Variants in SPINK5 observed in about 807,000 individuals in gnomAD.
SPINK5 encodes serine protease inhibitor Kazal-type 5.
In SPINK5, 125 loss-of-function variants were observed where a neutral mutation model predicts 151.8. The ratio of observed to expected loss-of-function variants is 0.82; its 90% CI spans 0.71 to 0.96. The LOEUF (loss-of-function observed/expected upper bound fraction) is 0.96, where lower values mean the gene tolerates loss of function less well. Ranked by LOEUF, SPINK5 falls within the 40% of genes least tolerant of loss-of-function variation. SPINK5 has a pLI of 0.00. For missense variants in SPINK5, 1,194 were observed against 1,291.9 expected (o/e 0.92, Z 1.16); for synonymous variants, 374 against 395.3 (o/e 0.95, Z 0.64).
intron 2 of SPINK5, 121 bp downstream of exon 2, chr5:148,065,493 T>C (rs1752557053): frequency 9.1e-7 from 1 of 1,104,756 alleles, no homozygotes; most frequent in Non-Finnish European, 1.3e-6. Flanking sequence ...CTAATAGCTT[T>C]TGTTAAAAAC....
Position 148,120,016 on chromosome 5 carries a change from G to A in SPINK5, c.2321G>A (p.Cys774Tyr), listed in dbSNP as rs747631147. 10 of 1,613,806 alleles carry A rather than the reference G, an allele frequency of 6.2e-6. No individual in the cohort carries two copies. The highest frequency in any genetic ancestry group is 5.9e-6 in the Non-Finnish European group (7 of 1,179,780). ...ATCTTCCCATCTTTTCAGGATACAT[G>A]TGATGAGTTTAGAAGCCAAATGAAA... Reference protein sequence around the residue: ...GTGSESGKDTCDEFRSQMKNG... With the variant: ...GTGSESGKDTYDEFRSQMKNG... Residue 774 changes from cysteine (C) to tyrosine (Y), a missense_variant, in exon 25 of 33, where the codon TGT becomes TAT. Cys to Tyr is a radical substitution (Grantham distance 194). Transcript: ENST00000256084.
In SPINK5 at chr5:148,137,145, A is replaced by AGTC; in HGVS notation, c.*155_*157dup. The AGTC allele has an allele frequency of 1.0e-6, 1 of 975,950 alleles. No homozygotes were observed. Among genetic ancestry groups the AGTC allele is most frequent in the Non-Finnish European group, 1.6e-6 (1 of 621,564 alleles). The allele number at this position is 975,950 out of a possible 1,614,324, so 60.5% of individuals were successfully genotyped here. A position where few individuals can be genotyped will look rare whatever the true frequency, so the allele number is the denominator to read the frequency against. On this transcript the variant is annotated 3_prime_UTR_variant, in exon 33 of 33. Coordinates refer to ENST00000256084, the MANE Select transcript of SPINK5 (RefSeq NM_006846.4). ...TTTGGGAATGGACTCACTGATTTTC[A>AGTC]GTCTTTTCCATCTCTTTCCTCCTAG...
chr5:148,079,262 A>T (rs964998421), intron 4 of SPINK5, among the ~76,000 whole-genome samples: 3 of 151,254 alleles, frequency 2.0e-5, no homozygotes, highest in Non-Finnish European at 3.0e-5. Context: ...CAGCATAAGT[A>T]AAGACATTGA....
rs1298873754 is a variant in SPINK5, at chr5:148,078,314, TGAAAA to T, written c.282+6099_282+6103del. Among the ~76,000 whole-genome samples, 3 of 150,802 alleles carry T rather than the reference TGAAAA, an allele frequency of 2.0e-5. 1 individual carries two copies. The highest frequency in any genetic ancestry group is 4.5e-5 in the Non-Finnish European group (3 of 67,276). On this transcript the variant is annotated intron_variant, in intron 4 of 32. Coordinates refer to ENST00000256084, the MANE Select transcript of SPINK5 (RefSeq NM_006846.4). The stretch of plus-strand genomic sequence containing the variant: ...CAAAAAATGCTATAATTAAAAGAAA[TGAAAA>T]GAAATGAAGAATTCAAAAATAATCG...
At chr5:148,067,807 G>T (rs902888957) in intron 2 of SPINK5, among the ~76,000 whole-genome samples, 1 of 151,972 alleles carries the variant, frequency 6.6e-6, no homozygotes, top group Non-Finnish European at 1.5e-5. Flanking sequence ...TAGAGACAAG[G>T]TCTCATTATA....
At chr5:148,092,689 T>C (rs563894916) in intron 8 of SPINK5, among the ~76,000 whole-genome samples, 1 of 152,022 alleles carries the variant, frequency 6.6e-6, no homozygotes, top group Non-Finnish European at 1.5e-5. Context: ...ATTATCATTG[T>C]TTCTTTTACG....
At position 148,094,473 on chromosome 5, in the gene SPINK5, T is replaced by TATA; in HGVS notation, c.786_787insATA (p.Ala262_Glu263insIle). Reference sequence around the variant, plus strand: ...ATGGCAACAAATGTGCCCTGTGTGCTGAAATTTTGTGAGTATAGAAGTGGT... The same window carrying TATA: ...ATGGCAACAAATGTGCCCTGTGTGCTATAGAAATTTTGTGAGTATAGAAGTGGT... On this transcript the variant is annotated inframe_insertion, in exon 9 of 33. Transcript: ENST00000256084. 3 of 1,612,422 alleles carry TATA rather than the reference T, an allele frequency of 1.9e-6. No homozygotes were observed. Among genetic ancestry groups the TATA allele is most frequent in the Non-Finnish European group, 2.5e-6 (3 of 1,178,886 alleles).
intron 13 of SPINK5, among the ~76,000 whole-genome samples, chr5:148,100,814 G>A (rs148613806): frequency 6.6e-6 from 1 of 152,144 alleles, no homozygotes; most frequent in Non-Finnish European, 1.5e-5. Flanking sequence ...AAGTAGTTTT[G>A]TCTTTTAAGT....
At chr5:148,079,749 CT>C (rs1217343529) in intron 4 of SPINK5, among the ~76,000 whole-genome samples, 1 of 150,970 alleles carries the variant, frequency 6.6e-6, no homozygotes, top group African/African-American at 2.4e-5. Context: ...TAGAAGTAAG[CT>C]TTTTCAGTCT....
In SPINK5 at chr5:148,101,439, G is replaced by A. The variant is rs768985523; in HGVS notation, c.1302+3G>A. On this transcript the variant is annotated splice_donor_region_variant and intron_variant, in intron 14 of 32. Transcript: ENST00000256084. The stretch of plus-strand genomic sequence containing the variant: ...CTAAGAGTACAGCTTCCTTTGAGGT[G>A]AGTTTATATCCTCCAGCAACTCAGA... The A allele has an allele frequency of 5.6e-6, 9 of 1,606,620 alleles. No individual in the cohort carries two copies. The highest frequency in any genetic ancestry group is 3.3e-5 in the South Asian group (3 of 90,934).
intron 24 of SPINK5, 125 bp from the exon 25 acceptor site, chr5:148,119,884 T>C (rs1754204296): frequency 3.0e-6 from 3 of 993,638 alleles, no homozygotes; most frequent in African/African-American, 1.6e-5. Flanking sequence ...TGTGGGACAT[T>C]ATTTTGCCTA....
chr5:148,074,819 A>G (rs1032823197), intron 4 of SPINK5, among the ~76,000 whole-genome samples: 1 of 151,766 alleles, frequency 6.6e-6, no homozygotes, highest in Non-Finnish European at 1.5e-5. Flanking sequence ...GATCTACTTT[A>G]TAAAATTTAC....
At chr5:148,088,242 A>G (rs2113061234) in intron 5 of SPINK5, among the ~76,000 whole-genome samples, 1 of 151,946 alleles carries the variant, frequency 6.6e-6, no homozygotes, top group East Asian at 1.9e-4. Flanking sequence ...TTATCCAGTT[A>G]CAAGCTTTAC....
rs1298766998 is a variant in SPINK5 at position 148,133,801 on chromosome 5, C to T, written c.3100C>T (p.Arg1034Cys). The change falls in exon 32 of 33, where the codon CGC becomes TGC. Residue 1034 changes from arginine (R) to cysteine (C), a missense_variant. By Grantham distance (180) the Arg-to-Cys change is radical. Transcript: ENST00000256084. ...GCATCCTCTGATCTGTTTTAGGATA[C>T]GCCAAACAAATACACACATCCGCAG... The part of the protein sequence containing the change: ...PCMLCHENLI[R>C]QTNTHIRSTG... The T allele has an allele frequency of 6.8e-6, 11 of 1,613,798 alleles. No individual in the cohort carries two copies. Among genetic ancestry groups the T allele is most frequent in the Middle Eastern group, 3.4e-4 (2 of 5,956 alleles).
intron 4 of SPINK5, among the ~76,000 whole-genome samples, chr5:148,080,727 T>C (rs1427891141): frequency 6.6e-6 from 1 of 151,444 alleles, no homozygotes; most frequent in Non-Finnish European, 1.5e-5. Flanking sequence ...TTCATGAACT[T>C]GGGTAGGTAG....
rs1561695544 is a variant in SPINK5, at chr5:148,111,781, A to C, written c.1706A>C (p.Glu569Ala). ...KREAVQELCS[E>A]YRHYVRNGRL... Reference sequence around the variant, plus strand: ...TTCATTTGGCAGGAGCTGTGCAGTGAATATCGTCATTATGTGAGGAATGGA... The same window carrying C: ...TTCATTTGGCAGGAGCTGTGCAGTGCATATCGTCATTATGTGAGGAATGGA... Residue 569 changes from glutamate to alanine, a missense_variant, in exon 19 of 33, where the codon GAA (glutamate) becomes GCA (alanine). Physicochemically the swap from Glu to Ala is moderately radical, Grantham distance 107. Transcript: ENST00000256084. 1 of 1,614,030 alleles carries C rather than the reference A, an allele frequency of 6.2e-7. No individual in the cohort carries two copies. Among genetic ancestry groups the C allele is most frequent in the Non-Finnish European group, 8.5e-7 (1 of 1,179,916 alleles).
At position 148,089,422 on chromosome 5, in the gene SPINK5, T is replaced by TA. The variant is rs111503265; in HGVS notation, c.475-68dup. On this transcript the variant is annotated intron_variant, in intron 6 of 32. Coordinates refer to ENST00000256084, the MANE Select transcript of SPINK5 (RefSeq NM_006846.4). Reference sequence around the variant, plus strand: ...GCAATGTCAGAGGGACTGAGTTCAATAAAATTTCTGAAAACAGTGTTGTCA... The same window carrying TA: ...GCAATGTCAGAGGGACTGAGTTCAATAAAAATTTCTGAAAACAGTGTTGTCA... 6.1e-3 allele frequency: 9,788 copies of TA among 1,607,664 alleles called. 503 individuals carry two copies. In the African/African-American group the frequency reaches 0.11, roughly 18 times the overall value.
chr5:148,070,941 T>G (rs1752723006), intron 3 of SPINK5, among the ~76,000 whole-genome samples: 1 of 152,060 alleles, frequency 6.6e-6, no homozygotes, highest in South Asian at 2.1e-4. Context: ...TTTAGACACC[T>G]AGCATTATTC....
At chr5:148,096,279 T>C (rs1255457629) in intron 10 of SPINK5, among the ~76,000 whole-genome samples, 1 of 152,034 alleles carries the variant, frequency 6.6e-6, no homozygotes, top group African/African-American at 2.4e-5. Flanking sequence ...AATTTTAATG[T>C]GCTTCCTTTT....
Sources: gnomAD v4.1 joint callset for allele counts (sites outside exome capture counted in the v4.1 genomes callset) on GRCh38, gnomAD v4.1.1 for gene constraint, MANE v1.5 for transcripts, NCBI Gene and HGNC (gene_info 2026-07-23, HGNC 2026-07-21) for gene names.